Variants in PTPRM observed in about 807,000 individuals in gnomAD.
PTPRM encodes the protein receptor-type tyrosine-protein phosphatase mu.
In PTPRM, 47 loss-of-function variants were observed where a neutral mutation model predicts 186.7. The observed-to-expected ratio is 0.25, with a 90% CI of 0.20 to 0.32. The LOEUF (loss-of-function observed/expected upper bound fraction) is 0.32. PTPRM is among the 10% of genes least tolerant of loss of function. PTPRM has a pLI of 1.00. For missense variants in PTPRM, 1,494 were observed against 1,865.0 expected (o/e 0.80, Z 3.66); for synonymous variants, 668 against 674.9 (o/e 0.99, Z 0.16).
At position 7,671,604 on chromosome 18, in the gene PTPRM, A is replaced by G. The variant is rs8087584; in HGVS notation, c.74-102545A>G. ...GTCACATGAGCTGTATAAATGGAAT[A>G]TATAATAGTGTGGATGTATAATGAT... On this transcript the variant is annotated intron_variant, in intron 1 of 32. Coordinates refer to ENST00000580170, the MANE Select transcript of PTPRM (RefSeq NM_001105244.2). Among the ~76,000 whole-genome samples the G allele has an allele frequency of 9.7e-3, 1,481 of 152,352 alleles. 23 individuals carry two copies. The highest frequency in any genetic ancestry group is 0.034 in the African/African-American group (1,424 of 41,574).
At chr18:7,631,831 G>T (rs1426413430) in intron 1 of PTPRM, among the ~76,000 whole-genome samples, 1 of 152,066 alleles carries the variant, frequency 6.6e-6, no homozygotes, top group Admixed American at 6.6e-5. Context: ...TCTTGAGTCT[G>T]GGGTATTTTT....
chr18:7,933,140 T>A (rs557191416), intron 5 of PTPRM, among the ~76,000 whole-genome samples: 1 of 152,308 alleles, frequency 6.6e-6, no homozygotes, highest in South Asian at 2.1e-4. Flanking sequence ...AGGATCACAG[T>A]GCTTATGTTT....
chr18:7,588,593 G>C (rs1244478047), intron 1 of PTPRM, among the ~76,000 whole-genome samples: 2 of 152,128 alleles, frequency 1.3e-5, no homozygotes, highest in African/African-American at 4.8e-5. Flanking sequence ...ACTTTTGGTT[G>C]TTTGAAGATT....
intron 13 of PTPRM, among the ~76,000 whole-genome samples, chr18:8,127,418 G>T (rs201383067): frequency 1.0e-3 from 135 of 133,722 alleles, no homozygotes; most frequent in East Asian, 2.2e-3. Context: ...CAGCTGTATT[G>T]TTTTTTTTTT....
At chr18:7,815,917 C>T (rs931179295) in intron 2 of PTPRM, among the ~76,000 whole-genome samples, 1 of 152,160 alleles carries the variant, frequency 6.6e-6, no homozygotes, top group African/African-American at 2.4e-5. Flanking sequence ...ATGTAGTGAA[C>T]ACAAGATCCA....
intron 1 of PTPRM, among the ~76,000 whole-genome samples, chr18:7,762,474 A>G (rs531694789): frequency 6.6e-6 from 1 of 152,302 alleles, no homozygotes; most frequent in South Asian, 2.1e-4. Context: ...CAAGGAATGA[A>G]GATAAAGAGG....
At chr18:8,212,788 A>G (rs1026081368) in intron 14 of PTPRM, among the ~76,000 whole-genome samples, 1 of 152,224 alleles carries the variant, frequency 6.6e-6, no homozygotes, top group Non-Finnish European at 1.5e-5. Context: ...CCTGGGTGAC[A>G]GAGTGAGACC....
At chr18:7,825,453 T>A (rs2045434850) in intron 2 of PTPRM, among the ~76,000 whole-genome samples, 1 of 152,208 alleles carries the variant, frequency 6.6e-6, no homozygotes, top group South Asian at 2.1e-4. Flanking sequence ...ACTTCTGCTC[T>A]AACGGTATAA....
intron 1 of PTPRM, among the ~76,000 whole-genome samples, chr18:7,693,960 T>C (rs372878963): frequency 2.0e-5 from 3 of 152,262 alleles, no homozygotes; most frequent in East Asian, 3.9e-4. Context: ...ATGGAGCAAT[T>C]CTGTGGTGCC....
rs182605348 is a variant in PTPRM, at chr18:8,010,882, G to A, written c.1132+55468G>A. Among the ~76,000 whole-genome samples, 23 of 152,292 alleles carry A rather than the reference G, an allele frequency of 1.5e-4. No homozygotes were observed. The East Asian group carries it at 4.1e-3, about 27-fold the overall frequency. ...AGACTGCAGGAGATGAAAGACAGGA[G>A]AAGGAGGTGAGCTTCAGGGTAGATT... is the stretch of plus-strand genomic sequence containing the variant. On this transcript the variant is annotated intron_variant, in intron 7 of 32. Transcript: ENST00000580170.
At chr18:8,391,452 TCACA>T (rs2095812200) in intron 31 of PTPRM, among the ~76,000 whole-genome samples, 1 of 152,190 alleles carries the variant, frequency 6.6e-6, no homozygotes, top group African/African-American at 2.4e-5. Flanking sequence ...TGGGTGATTC[TCACA>T]CAGACAACAC....
intron 1 of PTPRM, among the ~76,000 whole-genome samples, chr18:7,662,949 C>T (rs2039012567): frequency 6.6e-6 from 1 of 152,200 alleles, no homozygotes; most frequent in Non-Finnish European, 1.5e-5. Context: ...GTTTGCACCT[C>T]CTTCACTTGC....
chr18:8,029,018 C>A (rs1234556589), intron 7 of PTPRM, among the ~76,000 whole-genome samples: 1 of 151,932 alleles, frequency 6.6e-6, no homozygotes, highest in Non-Finnish European at 1.5e-5. Flanking sequence ...CTCACCAACA[C>A]CAGGGCTGGG....
At chr18:7,966,496 C>A (rs925446726) in intron 7 of PTPRM, among the ~76,000 whole-genome samples, 56 of 152,064 alleles carry the variant, frequency 3.7e-4, no homozygotes, top group African/African-American at 1.3e-3. Context: ...CAGCTCCCAG[C>A]GTGAGCGACG....
intron 14 of PTPRM, among the ~76,000 whole-genome samples, chr18:8,229,223 A>G (rs2094254336): frequency 6.6e-6 from 1 of 152,198 alleles, no homozygotes; most frequent in South Asian, 2.1e-4. Flanking sequence ...AGGAGATGTT[A>G]GAACAGAAGA....
chr18:8,356,116 A>G (rs1194739545), intron 23 of PTPRM, among the ~76,000 whole-genome samples: 1 of 152,226 alleles, frequency 6.6e-6, no homozygotes, highest in Non-Finnish European at 1.5e-5. Context: ...CAAATGATGC[A>G]TTCAGTACAA....
chr18:7,911,460 G>A (rs935350431), intron 4 of PTPRM, among the ~76,000 whole-genome samples: 4 of 152,164 alleles, frequency 2.6e-5, no homozygotes, highest in Non-Finnish European at 5.9e-5. Context: ...CCTGTTTGTA[G>A]TTTGGATTAC....
intron 7 of PTPRM, among the ~76,000 whole-genome samples, chr18:7,979,504 T>A (rs773936940): frequency 1.3e-5 from 2 of 152,208 alleles, no homozygotes; most frequent in African/African-American, 4.8e-5. Flanking sequence ...GGTTAACGTG[T>A]TACATGACAT....
chr18:7,660,349 A>G (rs722543), intron 1 of PTPRM, among the ~76,000 whole-genome samples: 6,264 of 152,086 alleles, frequency 0.041, 426 homozygotes, highest in African/African-American at 0.14. Context: ...AAAAAAAATA[A>G]TAAAATAAGT....
Sources: gnomAD v4.1 joint callset for allele counts (sites outside exome capture counted in the v4.1 genomes callset) on GRCh38, gnomAD v4.1.1 for gene constraint, MANE v1.5 for transcripts, NCBI Gene and HGNC (gene_info 2026-07-23, HGNC 2026-07-21) for gene names.